Variants in CRADD observed in about 807,000 individuals in gnomAD.
The protein encoded by CRADD is death domain-containing protein CRADD.
Under a neutral mutation model 15.5 loss-of-function variants are expected in CRADD, and 9 were observed. The observed-to-expected ratio is 0.58, with a 90% CI of 0.35 to 1.01. The LOEUF (loss-of-function observed/expected upper bound fraction) is 1.01, where lower values mean the gene tolerates loss of function less well. Ranked by LOEUF, CRADD falls within the 50% of genes least tolerant of loss-of-function variation. The probability of loss-of-function intolerance (pLI) is 0.02; values close to 1 mark genes in which losing one functional copy is unlikely to be tolerated. For synonymous variants in CRADD, 118 were observed against 107.6 expected (o/e 1.10, Z -0.60); for missense variants, 227 against 250.3 (o/e 0.91, Z 0.63).
chr12:93,747,262 A>G lies in CRADD; in HGVS notation c.298+68190A>G, dbSNP rs191243043. ...TCCATCAGGCTGGAGTCAGAGCAGA[A>G]AAGGACCTCCTCTGTAACCCAGGAG... On this transcript the variant is annotated intron_variant, in intron 2 of 2. Coordinates refer to ENST00000332896, the MANE Select transcript of CRADD (RefSeq NM_003805.5). Among the ~76,000 whole-genome samples, 345 of 152,236 alleles carry G rather than the reference A, an allele frequency of 2.3e-3. 1 individual carries two copies. Among genetic ancestry groups the G allele is most frequent in the Non-Finnish European group, 3.7e-3 (249 of 68,004 alleles).
chr12:93,847,651 A>G (rs1425410328), intron 2 of CRADD, among the ~76,000 whole-genome samples: 4 of 152,118 alleles, frequency 2.6e-5, no homozygotes, highest in East Asian at 1.9e-4. Context: ...AACCATTACA[A>G]TGCCACCTTA....
At position 93,843,966 on chromosome 12, in the gene CRADD, C is replaced by A. The variant is rs528988362; in HGVS notation, c.299-6004C>A. Among the ~76,000 whole-genome samples the A allele has an allele frequency of 4.6e-5, 7 of 152,276 alleles. No individual in the cohort carries two copies. The South Asian group carries it at 1.5e-3, about 32-fold the overall frequency. ...GGAACTCCTGACCTCAAGTGATTCACCCACCTTGTCTTCCCAAAGTGCTGG... is the reference window on the plus strand; with the variant it reads ...GGAACTCCTGACCTCAAGTGATTCAACCACCTTGTCTTCCCAAAGTGCTGG... On this transcript the variant is annotated intron_variant, in intron 2 of 2. Transcript: ENST00000332896.
At chr12:93,718,949 G>A (rs1375556169) in intron 2 of CRADD, among the ~76,000 whole-genome samples, 1 of 151,872 alleles carries the variant, frequency 6.6e-6, no homozygotes, top group Non-Finnish European at 1.5e-5. Flanking sequence ...TTGTAGAGAT[G>A]GGGTTTTGTC....
chr12:93,681,853 T>A (rs1955311665), intron 2 of CRADD, among the ~76,000 whole-genome samples: 1 of 152,018 alleles, frequency 6.6e-6, no homozygotes, highest in Non-Finnish European at 1.5e-5. Flanking sequence ...CTGTATACCG[T>A]AAGTTCTAGA....
In CRADD at chr12:93,886,162, C is replaced by CGTT. The variant is rs1555231623; in HGVS notation, c.299-7888_299-7887insGTT. ...ATGGACATGCCTCTAGCTGCTGATGCTTTTTTTTTTTTTTTTTTTTGAGAC... is the reference window on the plus strand; with the variant it reads ...ATGGACATGCCTCTAGCTGCTGATGCGTTTTTTTTTTTTTTTTTTTTTTGAGAC... On this transcript the variant is annotated intron_variant, in intron 2 of 2. Transcript: ENST00000548483. Among the ~76,000 whole-genome samples, 237 of 123,940 alleles carry CGTT rather than the reference C, an allele frequency of 1.9e-3. 6 individuals are homozygous for CGTT. The highest frequency in any genetic ancestry group is 6.7e-3 in the African/African-American group (221 of 32,926). 81.3% of individuals were successfully genotyped at this position (123,940 alleles called of 152,430 possible).
chr12:93,680,403 A>G (rs750499015), intron 2 of CRADD, among the ~76,000 whole-genome samples: 7 of 152,210 alleles, frequency 4.6e-5, no homozygotes, highest in Admixed American at 6.5e-5. Flanking sequence ...CATGGACCTC[A>G]TATTTTGACA....
At chr12:93,743,793 A>G (rs1956714322) in intron 2 of CRADD, among the ~76,000 whole-genome samples, 1 of 152,098 alleles carries the variant, frequency 6.6e-6, no homozygotes, top group South Asian at 2.1e-4. Flanking sequence ...AAAATTTCCA[A>G]TTTCAAGGTA....
At chr12:93,719,407 T>C (rs1242820666) in intron 2 of CRADD, among the ~76,000 whole-genome samples, 1 of 152,160 alleles carries the variant, frequency 6.6e-6, no homozygotes, top group Non-Finnish European at 1.5e-5. Context: ...GGTCCATAGT[T>C]TTCTTTTCTT....
chr12:93,841,027 TA>T (rs1958040947), intron 2 of CRADD, among the ~76,000 whole-genome samples: 1 of 152,182 alleles, frequency 6.6e-6, no homozygotes, highest in African/African-American at 2.4e-5. Context: ...TTTAAAGAAA[TA>T]TTTTTTTCAA....
intron 2 of CRADD, among the ~76,000 whole-genome samples, chr12:93,867,949 G>A (rs1958384685): frequency 6.6e-6 from 1 of 152,156 alleles, no homozygotes; most frequent in South Asian, 2.1e-4. Context: ...AAGAGGACTT[G>A]ACAATTTCAC....
At chr12:93,867,404 T>TACA (rs1491540248) in intron 2 of CRADD, among the ~76,000 whole-genome samples, 1 of 127,292 alleles carries the variant, frequency 7.9e-6, no homozygotes, top group African/African-American at 2.7e-5. Context: ...TATATATATA[T>TACA]TTTTTAAACT....
intron 2 of CRADD, among the ~76,000 whole-genome samples, chr12:93,790,404 A>C (rs1202872672): frequency 6.6e-6 from 1 of 152,064 alleles, no homozygotes; most frequent in African/African-American, 2.4e-5. Flanking sequence ...TGGCACATGT[A>C]TACATATGTA....
intron 2 of CRADD, among the ~76,000 whole-genome samples, chr12:93,871,330 G>T (rs770980617): frequency 3.3e-5 from 5 of 151,972 alleles, no homozygotes; most frequent in African/African-American, 9.7e-5. Flanking sequence ...TAAAAATTTT[G>T]TGGGTACATA....
At chr12:93,805,575 T>TATAAATAA (rs10671111) in intron 2 of CRADD, among the ~76,000 whole-genome samples, 33,622 of 150,012 alleles carry the variant, frequency 0.22, 4,016 homozygotes, top group African/African-American at 0.29. Context: ...GTTTTGTGTG[T>TATAAATAA]ATAAATAAAT....
At chr12:93,762,739 C>T (rs1592968980) in intron 2 of CRADD, among the ~76,000 whole-genome samples, 7 of 152,176 alleles carry the variant, frequency 4.6e-5, no homozygotes, top group Admixed American at 4.6e-4. Flanking sequence ...TCCTACAAAC[C>T]CTTCCAGATA....
chr12:93,743,487 G>A (rs1354961887), intron 2 of CRADD, among the ~76,000 whole-genome samples: 1 of 152,054 alleles, frequency 6.6e-6, no homozygotes, highest in Non-Finnish European at 1.5e-5. Flanking sequence ...CCTCGTCACC[G>A]TCTGGTTAAG....
At chr12:93,881,123 A>G (rs1958496690) in intron 2 of CRADD, among the ~76,000 whole-genome samples, 1 of 152,184 alleles carries the variant, frequency 6.6e-6, no homozygotes, top group East Asian at 1.9e-4. Context: ...AAGTAGCTAC[A>G]CTGTCAACCT....
chr12:93,763,761 C>T (rs1956996013), intron 2 of CRADD, among the ~76,000 whole-genome samples: 1 of 152,190 alleles, frequency 6.6e-6, no homozygotes, highest in Non-Finnish European at 1.5e-5. Context: ...CCAGGCTGTG[C>T]TCACAATCCC....
intron 2 of CRADD, chr12:93,735,502 A>G (rs1565894403): frequency 6.6e-6 from 1 of 152,218 alleles, no homozygotes; most frequent in Non-Finnish European, 1.5e-5. Flanking sequence ...CAAAGAGACT[A>G]TAGTGCCTGG....
Sources: gnomAD v4.1 joint callset for allele counts (sites outside exome capture counted in the v4.1 genomes callset) on GRCh38, gnomAD v4.1.1 for gene constraint, MANE v1.5 for transcripts, NCBI Gene and HGNC (gene_info 2026-07-23, HGNC 2026-07-21) for gene names.